The following RYR2 variants were observed in gnomAD, a reference collection of about 807,000 sequenced individuals.
RYR2 encodes the protein ryanodine receptor 2.
In RYR2, 227 loss-of-function variants were observed where a neutral mutation model predicts 601.1. The observed-to-expected ratio is 0.38, with a 90% confidence interval of 0.34 to 0.42. The LOEUF is 0.42. Among genes scored for constraint, RYR2 ranks in the 10% least tolerant of loss-of-function variants. The probability of loss-of-function intolerance (pLI) is 1.00; values close to 1 mark genes in which losing one functional copy is unlikely to be tolerated. For synonymous variants in RYR2, 2,223 were observed against 2,175.1 expected, an observed-to-expected ratio of 1.02 and a Z score of -0.61; for missense variants, 4,646 against 6,156.5, an observed-to-expected ratio of 0.75 and a Z score of 8.21.
At chr1:237,148,246 G>A (rs1308566810) in intron 1 of RYR2, among the ~76,000 whole-genome samples, 1 of 151,842 alleles carries the variant, frequency 6.6e-6, no homozygotes, top group African/African-American at 2.4e-5. Flanking sequence ...ATACGTGCAC[G>A]TGCAGGAACA....
intron 1 of RYR2, among the ~76,000 whole-genome samples, chr1:237,057,160 A>G (rs1449817938): frequency 6.6e-6 from 1 of 152,140 alleles, no homozygotes; most frequent in Non-Finnish European, 1.5e-5. Flanking sequence ...GGAGTCAGCA[A>G]CAGAGGCTCA....
At chr1:237,530,626 C>T in intron 25 of RYR2, 116 bp downstream of exon 25, 4 of 821,568 alleles carry the variant, frequency 4.9e-6, no homozygotes, top group Non-Finnish European at 7.9e-6. Context: ...AATTCAGATT[C>T]AAGGCTGGGT....
intron 62 of RYR2, among the ~76,000 whole-genome samples, chr1:237,683,744 A>C (rs556740816): frequency 6.6e-6 from 1 of 152,274 alleles, no homozygotes; most frequent in Admixed American, 6.5e-5. Flanking sequence ...TATGTGAAAG[A>C]ATGATCAGAG....
chr1:237,671,002 C>A (rs533650498), intron 58 of RYR2, among the ~76,000 whole-genome samples: 1 of 152,278 alleles, frequency 6.6e-6, no homozygotes, highest in East Asian at 1.9e-4. Context: ...TTCTTTAAGT[C>A]ATACCACTCG....
intron 34 of RYR2, among the ~76,000 whole-genome samples, chr1:237,601,726 A>C (rs889818956): frequency 6.6e-6 from 1 of 152,220 alleles, no homozygotes; most frequent in African/African-American, 2.4e-5. Flanking sequence ...GTGTCAATTA[A>C]AAAACAGTAA....
intron 10 of RYR2, among the ~76,000 whole-genome samples, chr1:237,396,473 C>A (rs983325279): frequency 6.6e-6 from 1 of 152,190 alleles, no homozygotes; most frequent in African/African-American, 2.4e-5. Context: ...TGCATACTTG[C>A]CAACATGCAC....
intron 100 of RYR2, among the ~76,000 whole-genome samples, chr1:237,817,122 G>A (rs1661925919): frequency 6.6e-6 from 1 of 152,108 alleles, no homozygotes; most frequent in South Asian, 2.1e-4. Context: ...TTATATGCCA[G>A]GCTGAGTCTA....
At chr1:237,423,323 A>C in intron 12 of RYR2, 75 bp downstream of exon 12, 2 of 1,455,098 alleles carry the variant, frequency 1.4e-6, no homozygotes, top group South Asian at 1.3e-5. Context: ...AAAGGAGAAA[A>C]GAAATGAGAA....
rs955327106 is a variant in RYR2, at chr1:237,685,622, T to C, written c.9018-1833T>C. 3.3e-5 allele frequency among the ~76,000 whole-genome samples: 5 copies of C among 152,208 alleles called. No homozygotes were observed. The East Asian group carries it at 9.6e-4, about 29-fold the overall frequency. ...TTGGAGTACAGGGATCCAAAGTATG[T>C]ACAATTCTAAACTGAATTATTCTCT... is the stretch of plus-strand genomic sequence containing the variant. On this transcript the variant is annotated intron_variant, in intron 62 of 104. Transcript: ENST00000366574.
intron 1 of RYR2, among the ~76,000 whole-genome samples, chr1:237,147,665 G>A (rs1034559196): frequency 6.6e-5 from 10 of 152,162 alleles, no homozygotes; most frequent in African/African-American, 2.2e-4. Flanking sequence ...ATCAGCTCCT[G>A]GATTAGAAGA....
intron 62 of RYR2, among the ~76,000 whole-genome samples, chr1:237,686,456 T>A (rs928872891): frequency 6.6e-6 from 1 of 152,146 alleles, no homozygotes; most frequent in African/African-American, 2.4e-5. Flanking sequence ...GACCTACTTA[T>A]TTTATTGAGT....
intron 1 of RYR2, among the ~76,000 whole-genome samples, chr1:237,066,347 C>A (rs893889719): frequency 6.6e-6 from 1 of 152,098 alleles, no homozygotes; most frequent in Non-Finnish European, 1.5e-5. Flanking sequence ...GGGATAAATG[C>A]CCAGGAATAT....
intron 27 of RYR2, among the ~76,000 whole-genome samples, chr1:237,557,454 A>C (rs1671021374): frequency 6.6e-6 from 1 of 152,206 alleles, no homozygotes; most frequent in South Asian, 2.1e-4. Context: ...GCTTAGAGAC[A>C]CAAGGAGGAT....
chr1:237,273,125 C>CAAT (rs1689871155), intron 2 of RYR2, among the ~76,000 whole-genome samples: 2 of 152,070 alleles, frequency 1.3e-5, no homozygotes, highest in South Asian at 4.2e-4. Flanking sequence ...CCATAATGTA[C>CAAT]AATCAGTGGG....
At chr1:237,547,013 T>G (rs1459512002) in intron 25 of RYR2, among the ~76,000 whole-genome samples, 1 of 113,526 alleles carries the variant, frequency 8.8e-6, no homozygotes, top group African/African-American at 2.9e-5. Flanking sequence ...ATTTATTTAT[T>G]TATTTATTTA....
At chr1:237,678,362 AT>A (rs913891236) in intron 61 of RYR2, among the ~76,000 whole-genome samples, 45 of 152,070 alleles carry the variant, frequency 3.0e-4, no homozygotes, top group African/African-American at 8.7e-4. Flanking sequence ...TTAGGTCTGC[AT>A]TTTTTTTGTT....
Position 237,633,585 on chromosome 1 carries a change from C to A in RYR2, c.6563C>A (p.Thr2188Asn). 1 of 1,613,920 alleles carries A rather than the reference C, an allele frequency of 6.2e-7. No homozygotes were observed. Among genetic ancestry groups the A allele is most frequent in the Non-Finnish European group, 8.5e-7 (1 of 1,179,850 alleles). ...GACATGCTTTATCTGTAGGAAATCA[C>A]CTTTCCCAAGATGGTGGCCAACTGT... ...VLGGGESKEI[T>N]FPKMVANCCR... Residue 2188 changes from threonine to asparagine, a missense_variant, in exon 43 of 105, where the codon ACC (threonine) becomes AAC (asparagine). By Grantham distance (65) the Thr-to-Asn change is moderately conservative. This residue lies in a region of RYR2 where 137 missense variants were observed against 273.6 expected (regional missense o/e 0.50). Transcript: ENST00000366574.
chr1:237,258,654 T>C (rs1688229540), intron 1 of RYR2, among the ~76,000 whole-genome samples: 2 of 152,204 alleles, frequency 1.3e-5, no homozygotes, highest in Admixed American at 6.5e-5. Flanking sequence ...CTCAAGTTTT[T>C]ATTTTTGCTG....
chr1:237,340,276 G>A (rs1416543597), intron 3 of RYR2, among the ~76,000 whole-genome samples: 3 of 152,144 alleles, frequency 2.0e-5, no homozygotes, highest in South Asian at 2.1e-4. Context: ...TGTCTCATTC[G>A]TACAGTGTTC....
Sources: gnomAD v4.1 joint callset for allele counts (sites outside exome capture counted in the v4.1 genomes callset) on GRCh38, gnomAD v4.1.1 for gene constraint, gnomAD v4.1.1 regional missense constraint, MANE v1.5 for transcripts, NCBI Gene and HGNC (gene_info 2026-07-23, HGNC 2026-07-21) for gene names.